ATRNL1: variants seen among roughly 807,000 people sequenced by gnomAD.
The protein encoded by ATRNL1 is attractin like 1.
A neutral mutation model predicts 182.7 loss-of-function variants in ATRNL1; 95 were observed. That is an observed-to-expected ratio of 0.52 (90% CI 0.44 to 0.62). The LOEUF is 0.62. ATRNL1 is among the 20% of genes least tolerant of loss of function. ATRNL1 has a pLI of 0.00. For synonymous variants in ATRNL1, 576 were observed against 568.3 expected, an observed-to-expected ratio of 1.01 and a Z score of -0.19; for missense variants, 1,471 against 1,679.5, an observed-to-expected ratio of 0.88 and a Z score of 2.17.
chr10:115,472,108 G>T (rs1197331064), intron 24 of ATRNL1, among the ~76,000 whole-genome samples: 1 of 150,834 alleles, frequency 6.6e-6, no homozygotes, highest in Non-Finnish European at 1.5e-5. Flanking sequence ...AAGAGACTGT[G>T]TTTCCTTTAC....
At chr10:115,120,064 C>CT in intron 1 of ATRNL1, 121 bp from the exon 2 acceptor site, 1 of 589,354 alleles carries the variant, frequency 1.7e-6, no homozygotes, top group African/African-American at 2.0e-5. Flanking sequence ...ATAAATCCTC[C>CT]TTTTTGAAAA....
In ATRNL1 at chr10:115,630,615, T is replaced by A. The variant is rs116806976; in HGVS notation, c.3795+81079T>A. Among the ~76,000 whole-genome samples the A allele has an allele frequency of 9.8e-3, 1,486 of 150,992 alleles. 18 individuals are homozygous for A. Among genetic ancestry groups the A allele is most frequent in the African/African-American group, 0.033 (1,368 of 41,324 alleles). On this transcript the variant is annotated intron_variant, in intron 26 of 28. Coordinates refer to ENST00000355044, the MANE Select transcript of ATRNL1 (RefSeq NM_207303.4). The stretch of plus-strand genomic sequence containing the variant: ...ATATGCAAACAACCCATTTGTCCAT[T>A]GATAGATGGATAAAGAAATAAGATT...
intron 25 of ATRNL1, among the ~76,000 whole-genome samples, chr10:115,542,357 T>G (rs1468079945): frequency 1.3e-5 from 2 of 152,120 alleles, no homozygotes; most frequent in East Asian, 3.9e-4. Flanking sequence ...TAGATTTTAT[T>G]CTTTCCCAGC....
At chr10:115,761,940 T>C (rs781951464) in intron 27 of ATRNL1, among the ~76,000 whole-genome samples, 1 of 152,186 alleles carries the variant, frequency 6.6e-6, no homozygotes, top group African/African-American at 2.4e-5. Context: ...ATGGAGATTT[T>C]AAGGAAGCTT....
At chr10:115,802,375 G>A (rs1316211866) in intron 27 of ATRNL1, among the ~76,000 whole-genome samples, 2 of 152,068 alleles carry the variant, frequency 1.3e-5, no homozygotes, top group Admixed American at 6.6e-5. Context: ...GAATCCATAT[G>A]TCCATCATAC....
At chr10:115,877,185 G>A (rs1253339925) in intron 28 of ATRNL1, among the ~76,000 whole-genome samples, 3 of 152,186 alleles carry the variant, frequency 2.0e-5, no homozygotes, top group Non-Finnish European at 4.4e-5. Context: ...AAGCTAGGAT[G>A]CTACTTGCAT....
At chr10:115,535,612 A>G (rs1851931712) in intron 25 of ATRNL1, among the ~76,000 whole-genome samples, 1 of 152,172 alleles carries the variant, frequency 6.6e-6, no homozygotes, top group Admixed American at 6.5e-5. Context: ...TCAACTCATC[A>G]GAGTCATTCT....
Position 115,527,870 on chromosome 10 carries a change from C to T in ATRNL1, c.3716+8546C>T, listed in dbSNP as rs1416414623. On this transcript the variant is annotated intron_variant, in intron 25 of 28. Coordinates refer to ENST00000355044, the MANE Select transcript of ATRNL1 (RefSeq NM_207303.4). The stretch of plus-strand genomic sequence containing the variant: ...CTTCCTTATCCTTCCTTCCTTCTTT[C>T]CTTCCCTCCCTCCCTCCTTCCCTCC... Among the ~76,000 whole-genome samples, 11 of 110,394 alleles carry T rather than the reference C, an allele frequency of 1.0e-4. No homozygotes were observed. The Admixed American group carries it at 1.1e-3, about 11-fold the overall frequency. 72.4% of individuals were successfully genotyped at this position (110,394 alleles called of 152,430 possible).
intron 8 of ATRNL1, among the ~76,000 whole-genome samples, chr10:115,186,509 A>G (rs1026968403): frequency 1.3e-4 from 20 of 152,144 alleles, no homozygotes; most frequent in African/African-American, 3.6e-4. Context: ...CATATATACA[A>G]TGGAGTACCA....
At chr10:115,241,786 C>A in intron 10 of ATRNL1, 61 bp downstream of exon 10, 1 of 1,379,026 alleles carries the variant, frequency 7.3e-7, no homozygotes, top group South Asian at 1.3e-5. Flanking sequence ...TATAGATATT[C>A]TCAAATACAT....
chr10:115,109,207 A>G (rs528882180), intron 1 of ATRNL1, among the ~76,000 whole-genome samples: 3 of 152,278 alleles, frequency 2.0e-5, no homozygotes, highest in African/African-American at 7.2e-5. Context: ...CTGAGTTTCA[A>G]AGTGGCTTCC....
At chr10:115,366,438 A>G (rs1857044142) in intron 19 of ATRNL1, among the ~76,000 whole-genome samples, 1 of 152,080 alleles carries the variant, frequency 6.6e-6, no homozygotes, top group African/African-American at 2.4e-5. Context: ...GGTTTCCTGA[A>G]TACAGCACAC....
At chr10:115,686,974 A>G (rs928983843) in intron 26 of ATRNL1, among the ~76,000 whole-genome samples, 1 of 152,052 alleles carries the variant, frequency 6.6e-6, no homozygotes. Flanking sequence ...GACAGAATCT[A>G]TGCTATAAAC....
At chr10:115,409,477 T>G (rs1845026877) in intron 20 of ATRNL1, among the ~76,000 whole-genome samples, 1 of 152,156 alleles carries the variant, frequency 6.6e-6, no homozygotes, top group South Asian at 2.1e-4. Flanking sequence ...GGGAGATTCT[T>G]TAGGATTTTC....
chr10:115,588,989 T>C (rs1855746910), intron 26 of ATRNL1, among the ~76,000 whole-genome samples: 1 of 152,182 alleles, frequency 6.6e-6, no homozygotes, highest in African/African-American at 2.4e-5. Context: ...TTTTCAGTGC[T>C]AAATAAGTTA....
intron 27 of ATRNL1, among the ~76,000 whole-genome samples, chr10:115,794,169 G>C (rs1200069793): frequency 6.6e-6 from 1 of 152,090 alleles, no homozygotes; most frequent in East Asian, 1.9e-4. Context: ...CTCAGGCCTT[G>C]TGACACAGTA....
At chr10:115,604,655 T>G (rs574704156) in intron 26 of ATRNL1, among the ~76,000 whole-genome samples, 3 of 152,234 alleles carry the variant, frequency 2.0e-5, no homozygotes, top group South Asian at 2.1e-4. Context: ...TAGGATACCC[T>G]TCCTACATCA....
At chr10:115,568,598 A>G (rs1854205706) in intron 26 of ATRNL1, among the ~76,000 whole-genome samples, 1 of 152,012 alleles carries the variant, frequency 6.6e-6, no homozygotes, top group Admixed American at 6.6e-5. Context: ...CTTGGAAAAA[A>G]TTCAGCTTTT....
At chr10:115,547,254 CAAAA>C (rs58330605) in intron 25 of ATRNL1, among the ~76,000 whole-genome samples, 3,017 of 127,418 alleles carry the variant, frequency 0.024, 70 homozygotes, top group East Asian at 0.12. Flanking sequence ...GACTCCATCT[CAAAA>C]AAAAAATATA....
Sources: gnomAD v4.1 joint callset for allele counts (sites outside exome capture counted in the v4.1 genomes callset) on GRCh38, gnomAD v4.1.1 for gene constraint, MANE v1.5 for transcripts, NCBI Gene and HGNC (gene_info 2026-07-23, HGNC 2026-07-21) for gene names.